The following GOLM2 variants were observed in gnomAD, a reference collection of about 807,000 sequenced individuals.
The protein encoded by GOLM2 is golgi membrane protein 2.
A neutral mutation model predicts 55.9 loss-of-function variants in GOLM2; 26 were observed. The ratio of observed to expected loss-of-function variants is 0.47; its 90% CI spans 0.34 to 0.65. The LOEUF is 0.65. Among genes scored for constraint, GOLM2 ranks in the 30% least tolerant of loss-of-function variants. The probability of loss-of-function intolerance (pLI) is 0.01; values close to 1 mark genes in which losing one functional copy is unlikely to be tolerated. For missense variants in GOLM2, 486 were observed against 531.8 expected, an observed-to-expected ratio of 0.91 and a Z score of 0.85; for synonymous variants, 165 against 194.6, an observed-to-expected ratio of 0.85 and a Z score of 1.27.
intron 6 of GOLM2, among the ~76,000 whole-genome samples, chr15:44,367,231 G>C (rs999895660): frequency 9.2e-6 from 1 of 108,260 alleles, no homozygotes; most frequent in Non-Finnish European, 1.9e-5. Context: ...TTTTTTTTCT[G>C]TCTGGCCCTT....
chr15:44,389,906 C>T (rs1251153812), intron 8 of GOLM2: 1 of 152,326 alleles, frequency 6.6e-6, no homozygotes, highest in African/African-American at 2.4e-5. Context: ...TTTCAAACTC[C>T]TGAGCTCAAG....
intron 9 of GOLM2, chr15:44,406,365 G>A (rs1407044710): frequency 1.3e-5 from 2 of 152,132 alleles, no homozygotes; most frequent in Admixed American, 6.6e-5. Context: ...TCCAGCCTAG[G>A]TAGCAGAACG....
At chr15:44,347,355 A>AC (rs2079132383) in intron 6 of GOLM2, among the ~76,000 whole-genome samples, 1 of 151,864 alleles carries the variant, frequency 6.6e-6, no homozygotes, top group South Asian at 2.1e-4. Flanking sequence ...TGAAGACACC[A>AC]CCCCCCAACC....
At position 44,288,851 on chromosome 15, in the gene GOLM2, G is replaced by A; in HGVS notation, c.-179G>A. On this transcript the variant is annotated 5_prime_UTR_variant, in exon 1 of 10. Coordinates refer to ENST00000299957, the MANE Select transcript of GOLM2 (RefSeq NM_138423.4). ...TTGGCCTGATTTGAGGAGGGGGGCG[G>A]GGAGGGACCTGCGGCTTGCGGCCCC... is the stretch of plus-strand genomic sequence containing the variant. The A allele has an allele frequency of 3.3e-6, 2 of 601,434 alleles. No individual in the cohort carries two copies. Among genetic ancestry groups the A allele is most frequent in the Non-Finnish European group, 5.8e-6 (2 of 345,062 alleles). The allele number at this position is 601,434 out of a possible 1,614,324, so 37.3% of individuals were successfully genotyped here.
At chr15:44,386,027 G>C (rs1256981130) in intron 8 of GOLM2, among the ~76,000 whole-genome samples, 1 of 152,128 alleles carries the variant, frequency 6.6e-6, no homozygotes, top group African/African-American at 2.4e-5. Context: ...ATGCACGAAA[G>C]TTTTTAATTT....
intron 6 of GOLM2, among the ~76,000 whole-genome samples, chr15:44,366,310 A>AAAAAAAAAAC (rs1555424784): frequency 6.6e-6 from 1 of 150,438 alleles, no homozygotes; most frequent in African/African-American, 2.4e-5. Flanking sequence ...AAAAAAAAAA[A>AAAAAAAAAAC]AAAACAAAAC....
At position 44,343,150 on chromosome 15, in the gene GOLM2, T is replaced by C. The variant is rs914369769; in HGVS notation, c.802+4833T>C. Among the ~76,000 whole-genome samples the C allele has an allele frequency of 2.6e-5, 4 of 151,644 alleles. No homozygotes were observed. The East Asian group carries it at 7.8e-4, about 30-fold the overall frequency. On this transcript the variant is annotated intron_variant, in intron 6 of 9. Transcript: ENST00000299957. ...GGAGTTCAAGACCCCCTGGCCAACA[T>C]GGTGAAACCCCATCTCTGCTAAAAA...
chr15:44,314,937 G>C (rs1222140750), intron 1 of GOLM2, among the ~76,000 whole-genome samples: 1 of 152,158 alleles, frequency 6.6e-6, no homozygotes, highest in African/African-American at 2.4e-5. Context: ...CTAGGACCTG[G>C]CACAAAAATA....
intron 2 of GOLM2, among the ~76,000 whole-genome samples, chr15:44,326,379 A>G (rs1217916441): frequency 1.3e-5 from 2 of 151,944 alleles, no homozygotes; most frequent in East Asian, 1.9e-4. Context: ...TTATTATACA[A>G]TAGTTATTAT....
At chr15:44,310,705 A>G (rs2078869734) in intron 1 of GOLM2, among the ~76,000 whole-genome samples, 1 of 151,200 alleles carries the variant, frequency 6.6e-6, no homozygotes, top group African/African-American at 2.4e-5. Context: ...ACCCTGTCTC[A>G]ATCAATCAAT....
At chr15:44,411,797 C>T (rs1456959828) in intron 9 of GOLM2, among the ~76,000 whole-genome samples, 3 of 149,752 alleles carry the variant, frequency 2.0e-5, no homozygotes, top group South Asian at 4.2e-4. Flanking sequence ...CAACTGCACT[C>T]CAGCCTGGGC....
chr15:44,382,107 T>C (rs1405083764), intron 8 of GOLM2: 1 of 152,204 alleles, frequency 6.6e-6, no homozygotes, highest in African/African-American at 2.4e-5. Flanking sequence ...AAAGCATATC[T>C]GTGTATCTTG....
At chr15:44,379,638 T>TAAA in intron 6 of GOLM2, 52 bp from the exon 7 acceptor site, 1 of 710,022 alleles carries the variant, frequency 1.4e-6, no homozygotes, top group Non-Finnish European at 2.3e-6. Flanking sequence ...TTTTTTTTTT[T>TAAA]AGAAATCATA....
At chr15:44,310,766 C>T (rs914338563) in intron 1 of GOLM2, among the ~76,000 whole-genome samples, 1 of 151,514 alleles carries the variant, frequency 6.6e-6, no homozygotes, top group African/African-American at 2.4e-5. Flanking sequence ...CGCCTGTAAT[C>T]CCAGCCCTTT....
In GOLM2 at chr15:44,382,578, C is replaced by A. The variant is rs535347669; in HGVS notation, c.1072+1602C>A. Among the ~76,000 whole-genome samples the A allele has an allele frequency of 4.6e-5, 7 of 152,054 alleles. No individual in the cohort carries two copies. The South Asian group carries it at 1.5e-3, about 32-fold the overall frequency. ...CTGACCTCAGGTGATCCGCCCGCCTCGGCCTCCCAAAGTGCTGGGATTACA... is the reference window on the plus strand; with the variant it reads ...CTGACCTCAGGTGATCCGCCCGCCTAGGCCTCCCAAAGTGCTGGGATTACA... On this transcript the variant is annotated intron_variant, in intron 8 of 9. Coordinates refer to ENST00000299957, the MANE Select transcript of GOLM2 (RefSeq NM_138423.4).
intron 6 of GOLM2, among the ~76,000 whole-genome samples, chr15:44,350,589 AGAG>A (rs2079154779): frequency 6.6e-6 from 1 of 152,208 alleles, no homozygotes; most frequent in South Asian, 2.1e-4. Flanking sequence ...TCTGAAAAAT[AGAG>A]GAGGAGGGAA....
rs200806637 is a variant in GOLM2 at position 44,310,494 on chromosome 15, ACACACACC to A, written c.328-12463_328-12456del. Among the ~76,000 whole-genome samples, 279 of 139,948 alleles carry A rather than the reference ACACACACC, an allele frequency of 2.0e-3. 1 individual carries two copies. The highest frequency in any genetic ancestry group is 0.02 in the East Asian group (85 of 4,340). The allele number at this position is 139,948 out of a possible 152,430, so 91.8% of individuals were successfully genotyped here. ...TGTATATATATATATATATATACAC[ACACACACC>A]CACACACACACACACACACACACAT... On this transcript the variant is annotated intron_variant, in intron 1 of 9. Coordinates refer to ENST00000299957, the MANE Select transcript of GOLM2 (RefSeq NM_138423.4).
Position 44,356,758 on chromosome 15 carries a change from A to G in GOLM2, c.802+18441A>G, listed in dbSNP as rs9806384. Among the ~76,000 whole-genome samples the G allele has an allele frequency of 8.9e-4, 135 of 152,342 alleles. 1 individual carries two copies. Among genetic ancestry groups the G allele is most frequent in the African/African-American group, 3.0e-3 (125 of 41,592 alleles). On this transcript the variant is annotated intron_variant, in intron 6 of 9. Transcript: ENST00000299957. ...AGTACCAAAACCAGAGAAAGACACTACTACAGACCAATGTCTCTCATGATC... is the reference window on the plus strand; with the variant it reads ...AGTACCAAAACCAGAGAAAGACACTGCTACAGACCAATGTCTCTCATGATC...
At chr15:44,313,934 T>C (rs1218132268) in intron 1 of GOLM2, among the ~76,000 whole-genome samples, 4 of 152,106 alleles carry the variant, frequency 2.6e-5, no homozygotes, top group African/African-American at 9.7e-5. Context: ...CCTTGTTTAT[T>C]CTCTTTGAAA....
Sources: gnomAD v4.1 joint callset for allele counts (sites outside exome capture counted in the v4.1 genomes callset) on GRCh38, gnomAD v4.1.1 for gene constraint, MANE v1.5 for transcripts, NCBI Gene and HGNC (gene_info 2026-07-23, HGNC 2026-07-21) for gene names.